PRKD1: variants seen among roughly 807,000 people sequenced by gnomAD.
The protein encoded by PRKD1 is protein kinase D1, also known as serine/threonine-protein kinase D1.
A neutral mutation model predicts 95.9 loss-of-function variants in PRKD1; 63 were observed. The observed-to-expected ratio is 0.66, with a 90% CI of 0.54 to 0.81. The LOEUF (loss-of-function observed/expected upper bound fraction) is 0.81. PRKD1 is among the 30% of genes least tolerant of loss of function. PRKD1 has a pLI of 0.00. For missense variants in PRKD1, 1,048 were observed against 1,165.3 expected, an observed-to-expected ratio of 0.90 and a Z score of 1.47; for synonymous variants, 425 against 423.1, an observed-to-expected ratio of 1.00 and a Z score of -0.05.
intron 1 of PRKD1, among the ~76,000 whole-genome samples, chr14:29,808,339 G>C (rs1473240171): frequency 2.5e-5 from 3 of 118,800 alleles, no homozygotes; most frequent in Non-Finnish European, 3.2e-5. Context: ...TTAATCATTA[G>C]ATTGCAGCAA....
At chr14:29,626,927 C>A (rs1236169328) in intron 11 of PRKD1, among the ~76,000 whole-genome samples, 1 of 152,010 alleles carries the variant, frequency 6.6e-6, no homozygotes, top group Non-Finnish European at 1.5e-5. Context: ...GTTGGTCAGG[C>A]TGGTCTGGAA....
Position 29,630,732 on chromosome 14 carries a change from G to A in PRKD1, c.1672+10C>T. Reference sequence around the variant, plus strand: ...GAGCTTTGGGCTGGTTAGAAAACTGGCAGACTCACTGTGCAAGTTGGTTCC... The same window carrying A: ...GAGCTTTGGGCTGGTTAGAAAACTGACAGACTCACTGTGCAAGTTGGTTCC... On this transcript the variant is annotated intron_variant, in intron 10 of 17. Coordinates refer to ENST00000331968, the MANE Select transcript of PRKD1 (RefSeq NM_002742.3). 17 of 1,613,974 alleles carry A rather than the reference G, an allele frequency of 1.1e-5. No individual in the cohort carries two copies. Among genetic ancestry groups the A allele is most frequent in the Non-Finnish European group, 1.4e-5 (17 of 1,179,916 alleles).
intron 1 of PRKD1, among the ~76,000 whole-genome samples, chr14:29,790,314 C>G (rs753392541): frequency 6.6e-6 from 1 of 151,960 alleles, no homozygotes; most frequent in Non-Finnish European, 1.5e-5. Flanking sequence ...TGAGCCACCA[C>G]GCCCACAGTC....
At chr14:29,669,969 C>T (rs1007029077) in intron 2 of PRKD1, among the ~76,000 whole-genome samples, 1 of 152,210 alleles carries the variant, frequency 6.6e-6, no homozygotes, top group Non-Finnish European at 1.5e-5. Flanking sequence ...ATGATCACTA[C>T]TCACAATCAG....
At chr14:29,919,389 G>GC (rs1311065595) in intron 1 of PRKD1, among the ~76,000 whole-genome samples, 2 of 152,138 alleles carry the variant, frequency 1.3e-5, no homozygotes, top group African/African-American at 2.4e-5. Context: ...TTCCATAACA[G>GC]CCATAGTGGC....
intron 1 of PRKD1, among the ~76,000 whole-genome samples, chr14:29,919,894 A>C (rs1484313635): frequency 6.6e-6 from 1 of 151,918 alleles, no homozygotes; most frequent in Non-Finnish European, 1.5e-5. Flanking sequence ...TGAGCTTGGG[A>C]AGTTGAGGCT....
chr14:29,764,170 T>C (rs1188562483), intron 1 of PRKD1, among the ~76,000 whole-genome samples: 3 of 152,026 alleles, frequency 2.0e-5, no homozygotes, highest in Admixed American at 6.6e-5. Context: ...AAGCATTACT[T>C]TGGGGAGAAT....
At chr14:29,595,666 A>C (rs918303114) in intron 16 of PRKD1, among the ~76,000 whole-genome samples, 1 of 152,210 alleles carries the variant, frequency 6.6e-6, no homozygotes, top group African/African-American at 2.4e-5. Context: ...ATAGTTACAT[A>C]GCAAGTCAAA....
chr14:29,672,146 T>C (rs1882885291), intron 2 of PRKD1, among the ~76,000 whole-genome samples: 2 of 152,070 alleles, frequency 1.3e-5, no homozygotes, highest in East Asian at 1.9e-4. Context: ...ATCCAGACCA[T>C]CCTGGCTAAC....
intron 11 of PRKD1, among the ~76,000 whole-genome samples, chr14:29,627,938 G>A (rs958725673): frequency 5.9e-5 from 9 of 152,122 alleles, no homozygotes; most frequent in East Asian, 1.9e-4. Flanking sequence ...TAGGCTTTCC[G>A]ATAACTCAAT....
intron 4 of PRKD1, among the ~76,000 whole-genome samples, chr14:29,646,533 TTAGA>T (rs3837586): frequency 0.065 from 9,815 of 150,094 alleles, 814 homozygotes; most frequent in African/African-American, 0.2. Context: ...CTCACAAAAA[TTAGA>T]TAGATAGATA....
chr14:29,826,708 C>T (rs199798222), intron 1 of PRKD1, among the ~76,000 whole-genome samples: 2,486 of 43,680 alleles, frequency 0.057, 467 homozygotes, highest in African/African-American at 0.18. Context: ...TACATATATA[C>T]ACATATATAT....
At chr14:29,909,654 T>C in intron 1 of PRKD1, among the ~76,000 whole-genome samples, 1 of 151,990 alleles carries the variant, frequency 6.6e-6, no homozygotes, top group African/African-American at 2.4e-5. Context: ...AATACACCAG[T>C]CAGCACTCTG....
At chr14:29,713,366 G>A (rs1025994583) in intron 2 of PRKD1, among the ~76,000 whole-genome samples, 6 of 152,200 alleles carry the variant, frequency 3.9e-5, no homozygotes, top group East Asian at 1.9e-4. Flanking sequence ...TAGATGATTC[G>A]TTTGTGAATA....
chr14:29,807,728 CT>C (rs989596413), intron 1 of PRKD1, among the ~76,000 whole-genome samples: 19 of 146,808 alleles, frequency 1.3e-4, no homozygotes, highest in Admixed American at 1.4e-4. Flanking sequence ...TTTTCTTTTC[CT>C]TTTTTTTTTG....
At chr14:29,914,971 A>G (rs141532441) in intron 1 of PRKD1, among the ~76,000 whole-genome samples, 3,589 of 151,878 alleles carry the variant, frequency 0.024, 147 homozygotes, top group African/African-American at 0.082. Flanking sequence ...TGATCTGCCC[A>G]CCTCAGTCTC....
intron 1 of PRKD1, among the ~76,000 whole-genome samples, chr14:29,833,920 T>C (rs1394093737): frequency 2.0e-5 from 3 of 151,872 alleles, no homozygotes; most frequent in African/African-American, 7.2e-5. Context: ...AGAAAAGCTC[T>C]CAAGAGAGTA....
chr14:29,668,189 G>A (rs930016713), intron 2 of PRKD1, among the ~76,000 whole-genome samples: 7 of 152,162 alleles, frequency 4.6e-5, no homozygotes, highest in Non-Finnish European at 1.0e-4. Flanking sequence ...TTAGTTGAGT[G>A]TATGCATGCC....
intron 1 of PRKD1, among the ~76,000 whole-genome samples, chr14:29,854,662 T>C (rs114637032): frequency 0.024 from 3,597 of 152,320 alleles, 140 homozygotes; most frequent in African/African-American, 0.081. Context: ...AGTAGCCAAA[T>C]GTTAATCCCC....
Sources: gnomAD v4.1 joint callset for allele counts (sites outside exome capture counted in the v4.1 genomes callset) on GRCh38, gnomAD v4.1.1 for gene constraint, MANE v1.5 for transcripts, NCBI Gene and HGNC (gene_info 2026-07-23, HGNC 2026-07-21) for gene names.